ZNF30: variants seen among roughly 807,000 people sequenced by gnomAD.
The protein encoded by ZNF30 is zinc finger protein 30 (KOX 28).
In ZNF30, 15 loss-of-function variants were observed where a neutral mutation model predicts 13.2. The ratio of observed to expected loss-of-function variants is 1.13; its 90% CI spans 0.76 to 1.75. The LOEUF (loss-of-function observed/expected upper bound fraction) is 1.75. ZNF30 is among the 40% of genes most tolerant of loss of function. The pLI is 0.00. For missense variants in ZNF30, 726 were observed against 757.0 expected (o/e 0.96, Z 0.48); for synonymous variants, 223 against 256.6 (o/e 0.87, Z 1.25).
Position 34,944,204 on chromosome 19 carries a change from C to T in ZNF30, c.1238C>T (p.Ser413Leu). ...KECGKAFSTG[S>L]YLVQHQRIHT... ...TGTGGCAAGGCCTTTAGTACTGGCT[C>T]ATACCTTGTTCAGCATCAGAGGATC... Residue 413 changes from serine to leucine, a missense_variant, in exon 5 of 5, where the codon TCA (serine) becomes TTA (leucine). Ser to Leu is a moderately radical substitution (Grantham distance 145). Transcript: ENST00000601142. 1 of 1,613,906 alleles carries T rather than the reference C, an allele frequency of 6.2e-7. No individual in the cohort carries two copies. Among genetic ancestry groups the T allele is most frequent in the East Asian group, 2.2e-5 (1 of 44,878 alleles).
intron 3 of ZNF30, 148 bp from the exon 4 acceptor site, chr19:34,933,479 CT>C: frequency 1.9e-6 from 1 of 530,912 alleles, no homozygotes; most frequent in African/African-American, 1.9e-5. Flanking sequence ...CTCTACCTGT[CT>C]GGAATTATGA....
chr19:34,930,867 A>T (rs1009447360), intron 2 of ZNF30, among the ~76,000 whole-genome samples: 3 of 152,048 alleles, frequency 2.0e-5, no homozygotes, highest in African/African-American at 7.2e-5. Context: ...TGTCTCAAAA[A>T]AAAATTTAAA....
chr19:34,926,600 G>T (rs111691003), upstream of ZNF30: 4,105 of 177,616 alleles, frequency 0.023, 199 homozygotes, highest in African/African-American at 0.091. Flanking sequence ...TAGCATTTCT[G>T]TAGCGAAAAG....
At chr19:34,925,088 A>AC (rs1439194329), upstream of ZNF30, among the ~76,000 whole-genome samples, 1 of 152,014 alleles carries the variant, frequency 6.6e-6, no homozygotes, top group Admixed American at 6.5e-5. Context: ...CGCTGCTCAA[A>AC]CCTCCAGGGG....
rs549289579 is a variant in ZNF30, at chr19:34,944,113, C to T, written c.1147C>T (p.Arg383Cys). Residue 383 changes from arginine (R) to cysteine (C), a missense_variant, in exon 5 of 5, where the codon CGT becomes TGT. By Grantham distance (180) the Arg-to-Cys change is radical. Coordinates refer to ENST00000601142, the MANE Select transcript of ZNF30 (RefSeq NM_194325.3). ...CAAGGAATGCGGGAGAACCTTCAGT[C>T]GTGCCTCATATCTTGTTCAACATGG... ...GCKECGRTFS[R>C]ASYLVQHGRL... is the part of the protein sequence containing the mutation. The T allele has an allele frequency of 6.9e-4, 1,114 of 1,613,264 alleles. 22 individuals carry two copies. The South Asian group carries it at 0.011, about 16-fold the overall frequency.
intron 1 of ZNF30, among the ~76,000 whole-genome samples, chr19:34,928,220 A>AAAAAAAAAAT (rs1555778254): frequency 1.4e-5 from 1 of 73,416 alleles, no homozygotes; most frequent in African/African-American, 6.2e-5. Context: ...AAAAAAAAAA[A>AAAAAAAAAAT]ATATATATAT....
chr19:34,941,306 C>T (rs1435106194), intron 4 of ZNF30, among the ~76,000 whole-genome samples: 1 of 152,160 alleles, frequency 6.6e-6, no homozygotes, highest in Non-Finnish European at 1.5e-5. Flanking sequence ...ACTCTGTTGC[C>T]CAGGCTGGAG....
chr19:34,933,169 C>T (rs2012547029), intron 3 of ZNF30, among the ~76,000 whole-genome samples: 1 of 151,798 alleles, frequency 6.6e-6, no homozygotes, highest in Non-Finnish European at 1.5e-5. Context: ...AAAATAAAAC[C>T]TTTCGGCTGG....
chr19:34,928,139 C>T (rs1315754587), intron 1 of ZNF30, among the ~76,000 whole-genome samples: 2 of 148,464 alleles, frequency 1.3e-5, no homozygotes, highest in African/African-American at 4.9e-5. Context: ...TGGGAGGCGG[C>T]GGAGGTTGCA....
intron 4 of ZNF30, among the ~76,000 whole-genome samples, chr19:34,937,200 A>T (rs1291912569): frequency 2.0e-5 from 3 of 151,802 alleles, no homozygotes; most frequent in Non-Finnish European, 4.4e-5. Context: ...TTTAGTAGAG[A>T]TGGGGTTTCA....
intron 1 of ZNF30, among the ~76,000 whole-genome samples, chr19:34,929,616 C>A (rs1477775328): frequency 6.6e-6 from 1 of 152,156 alleles, no homozygotes; most frequent in Non-Finnish European, 1.5e-5. Context: ...GACTGTGCAA[C>A]CCAATTTGAG....
chr19:34,932,857 C>T (rs533302670), intron 3 of ZNF30, among the ~76,000 whole-genome samples: 2 of 150,540 alleles, frequency 1.3e-5, no homozygotes, highest in South Asian at 2.1e-4. Context: ...CTCAGCTCAG[C>T]GCAACCTCCA....
At chr19:34,926,381 C>T (rs987129237), upstream of ZNF30, among the ~76,000 whole-genome samples, 2 of 152,100 alleles carry the variant, frequency 1.3e-5, no homozygotes, top group African/African-American at 4.8e-5. Context: ...AAGATAAATG[C>T]CTATTACATA....
At chr19:34,943,110 T>C in intron 4 of ZNF30, 113 bp from the exon 5 acceptor site, 1 of 733,856 alleles carries the variant, frequency 1.4e-6, no homozygotes, top group Admixed American at 3.5e-5. Context: ...AATGGTGTTT[T>C]AATATTACTG....
chr19:34,926,877 G>A (rs1432258810), upstream of ZNF30: 2 of 397,910 alleles, frequency 5.0e-6, no homozygotes, highest in Non-Finnish European at 8.9e-6. Flanking sequence ...GGAGCGCCCA[G>A]AAGTCTCCGG....
intron 1 of ZNF30, among the ~76,000 whole-genome samples, chr19:34,929,577 A>G (rs1447537659): frequency 6.6e-6 from 1 of 152,206 alleles, no homozygotes; most frequent in Non-Finnish European, 1.5e-5. Context: ...GAACGTGGGA[A>G]TGGAGTGAGG....
Position 34,943,821 on chromosome 19 carries a change from A to G in ZNF30, c.855A>G (p.Glu285=). ...AACATCAGCGAATTCATACCAGTGA[A>G]AAACCTTACGAATGCAAAGAATGTG... is the stretch of plus-strand genomic sequence containing the variant. The part of the protein sequence containing the change: ...LVQHQRIHTS[E]KPYECKECGK... The change falls in exon 5 of 5, where the codon GAA becomes GAG. Residue 285 remains glutamate, a synonymous_variant. Coordinates refer to ENST00000601142, the MANE Select transcript of ZNF30 (RefSeq NM_194325.3). The G allele has an allele frequency of 6.8e-6, 11 of 1,613,572 alleles. No homozygotes were observed. The highest frequency in any genetic ancestry group is 8.5e-6 in the Non-Finnish European group (10 of 1,179,858).
At chr19:34,930,535 G>A (rs2012392434) in intron 2 of ZNF30, among the ~76,000 whole-genome samples, 1 of 152,090 alleles carries the variant, frequency 6.6e-6, no homozygotes. Context: ...TTGGTTCTGA[G>A]TCATTTTCAC....
intron 2 of ZNF30, among the ~76,000 whole-genome samples, chr19:34,930,491 G>C (rs188424344): frequency 6.6e-6 from 1 of 152,094 alleles, no homozygotes; most frequent in Non-Finnish European, 1.5e-5. Flanking sequence ...ATTTTGTTAT[G>C]GAATGGGACC....
Sources: gnomAD v4.1 joint callset for allele counts (sites outside exome capture counted in the v4.1 genomes callset) on GRCh38, gnomAD v4.1.1 for gene constraint, MANE v1.5 for transcripts, NCBI Gene and HGNC (gene_info 2026-07-23, HGNC 2026-07-21) for gene names.